The following ABCA8 variants were observed in gnomAD, a reference collection of about 807,000 sequenced individuals.
ABCA8 encodes ABC-type organic anion transporter ABCA8.
A neutral mutation model predicts 192.3 loss-of-function variants in ABCA8; 177 were observed. That is an observed-to-expected ratio of 0.92 (90% confidence interval 0.81 to 1.04). The LOEUF is 1.04. ABCA8 is among the 50% of genes least tolerant of loss of function. The pLI, the probability that ABCA8 is intolerant of heterozygous loss-of-function variation, is 0.00. For missense variants in ABCA8, 1,915 were observed against 1,904.8 expected, an observed-to-expected ratio of 1.01 and a Z score of -0.10; for synonymous variants, 642 against 690.2, an observed-to-expected ratio of 0.93 and a Z score of 1.09.
chr17:68,881,965 C>A lies in ABCA8; in HGVS notation c.3844G>T (p.Ala1282Ser). The A allele has an allele frequency of 5.6e-6, 9 of 1,613,662 alleles. No individual in the cohort carries two copies. Among genetic ancestry groups the A allele is most frequent in the Non-Finnish European group, 7.6e-6 (9 of 1,179,654 alleles). The change falls in exon 31 of 40, where the codon GCC (alanine) becomes TCC (serine). Residue 1282 changes from alanine to serine, a missense_variant. By Grantham distance (99) the Ala-to-Ser change is moderately conservative (BLOSUM62 1). Coordinates refer to ENST00000586539, the MANE Select transcript of ABCA8 (RefSeq NM_001288985.2). ...GCATACTCCTTGCGTAGACAGCTGG[C>A]AATGATGACTGGCTTCTGTAAATGA... Reference protein sequence around the residue: ...TNFDEKPVIIASCLRKEYAGK... With the variant: ...TNFDEKPVIISSCLRKEYAGK...
At chr17:68,910,211 G>A (rs1455952750) in intron 17 of ABCA8, among the ~76,000 whole-genome samples, 1 of 152,114 alleles carries the variant, frequency 6.6e-6, no homozygotes, top group African/African-American at 2.4e-5. Context: ...CATCATATAA[G>A]GAAAGAAGCA....
intron 2 of ABCA8, among the ~76,000 whole-genome samples, chr17:68,945,654 T>C (rs914452027): frequency 6.6e-6 from 1 of 152,188 alleles, no homozygotes; most frequent in African/African-American, 2.4e-5. Context: ...GAGAGTGACC[T>C]AAGTCGTTGG....
intron 24 of ABCA8, among the ~76,000 whole-genome samples, chr17:68,887,923 T>TGG (rs372944173): frequency 0.14 from 2,220 of 15,580 alleles, 68 homozygotes; most frequent in East Asian, 0.39. Context: ...TATATATATA[T>TGG]ATTATATATG....
chr17:68,944,316 T>TTA (rs1177610587), intron 2 of ABCA8, among the ~76,000 whole-genome samples: 1,488 of 28,484 alleles, frequency 0.052, 64 homozygotes, highest in Non-Finnish European at 0.071. Flanking sequence ...GAACTTAAAG[T>TTA]TATATATATA....
chr17:68,890,315 A>C (rs993355525), intron 24 of ABCA8, among the ~76,000 whole-genome samples: 3 of 152,252 alleles, frequency 2.0e-5, no homozygotes, highest in African/African-American at 7.2e-5. Context: ...CCATCTTTTC[A>C]TGGGAGTATT....
In ABCA8 at chr17:68,902,493, G is replaced by A. The variant is rs116385583; in HGVS notation, c.2764+220C>T. On this transcript the variant is annotated intron_variant, in intron 21 of 39. Transcript: ENST00000586539. ...TTAAAAATGCTATTTTGGTACAAAC[G>A]CTTTCATTTAGCAAGATGCCACCAG... is the stretch of plus-strand genomic sequence containing the variant. Among the ~76,000 whole-genome samples, 1,129 of 152,268 alleles carry A rather than the reference G, an allele frequency of 7.4e-3. 14 individuals are homozygous for A. Among genetic ancestry groups the A allele is most frequent in the African/African-American group, 0.026 (1,072 of 41,572 alleles).
chr17:68,945,110 G>C (rs1461171497), intron 2 of ABCA8, among the ~76,000 whole-genome samples: 1 of 152,122 alleles, frequency 6.6e-6, no homozygotes, highest in Admixed American at 6.5e-5. Flanking sequence ...CTCCTTTACT[G>C]CTTGGGTGCA....
intron 2 of ABCA8, among the ~76,000 whole-genome samples, chr17:68,943,169 A>G (rs1381880137): frequency 2.6e-5 from 4 of 152,178 alleles, no homozygotes; most frequent in Non-Finnish European, 5.9e-5. Context: ...TAAAATCTTA[A>G]TATAGGATAA....
intron 32 of ABCA8, 121 bp downstream of exon 32, chr17:68,880,999 G>A: frequency 2.8e-6 from 2 of 721,680 alleles, no homozygotes; most frequent in Non-Finnish European, 2.5e-6. Context: ...TATTCTCTTG[G>A]GTAGTTCATT....
Position 68,918,095 on chromosome 17 carries a change from C to G in ABCA8, c.1999G>C (p.Val667Leu). Reference protein sequence around the residue: ...NLLKERKTDRVILFSTQFMDE... With the variant: ...NLLKERKTDRLILFSTQFMDE... ...ATGAACTGGGTACTGAAGAGGATCA[C>G]GCGGTCTGTTTTGCGTTCTTTCAGA... The change falls in exon 16 of 40, where the codon GTG becomes CTG. Residue 667 changes from valine to leucine, a missense_variant. Coordinates refer to ENST00000586539, the MANE Select transcript of ABCA8 (RefSeq NM_001288985.2). 6.2e-7 allele frequency: 1 copy of G among 1,614,150 alleles called. No individual in the cohort carries two copies.
intron 32 of ABCA8, chr17:68,880,098 T>C (rs1474338196): frequency 6.6e-6 from 1 of 152,164 alleles, no homozygotes; most frequent in African/African-American, 2.4e-5. Flanking sequence ...GAACTTATGA[T>C]GCTTTTTCCA....
At chr17:68,912,815 TC>T (rs2067256218) in intron 17 of ABCA8, among the ~76,000 whole-genome samples, 1 of 152,060 alleles carries the variant, frequency 6.6e-6, no homozygotes, top group Admixed American at 6.6e-5. Context: ...GCTGGAGACT[TC>T]AACACACTAC....
At chr17:68,904,804 A>G (rs2067021617) in intron 19 of ABCA8, among the ~76,000 whole-genome samples, 1 of 152,186 alleles carries the variant, frequency 6.6e-6, no homozygotes, top group Admixed American at 6.5e-5. Flanking sequence ...GCAAGACATC[A>G]TCAGGGTTCA....
At chr17:68,885,723 T>C (rs1598198958) in intron 26 of ABCA8, among the ~76,000 whole-genome samples, 1 of 152,214 alleles carries the variant, frequency 6.6e-6, no homozygotes, top group East Asian at 1.9e-4. Flanking sequence ...AATATTTTTG[T>C]ATTTTTAGTA....
At chr17:68,946,923 A>C (rs2068426006) in intron 2 of ABCA8, among the ~76,000 whole-genome samples, 4 of 151,224 alleles carry the variant, frequency 2.6e-5, no homozygotes, top group Admixed American at 2.6e-4. Flanking sequence ...CCTGGGCGAC[A>C]GAGTGAGACT....
chr17:68,926,815 G>C (rs2067714215), intron 10 of ABCA8, among the ~76,000 whole-genome samples: 1 of 152,172 alleles, frequency 6.6e-6, no homozygotes, highest in South Asian at 2.1e-4. Context: ...AGATGTGGCT[G>C]TCTTCCTGCT....
chr17:68,878,373 GGAT>G (rs1478970897), intron 32 of ABCA8: 1 of 152,266 alleles, frequency 6.6e-6, no homozygotes, highest in Non-Finnish European at 1.5e-5. Flanking sequence ...CCCTGTGTGG[GGAT>G]GAAGCTTGAT....
chr17:68,904,973 G>A (rs2067026198), intron 19 of ABCA8, among the ~76,000 whole-genome samples: 1 of 152,230 alleles, frequency 6.6e-6, no homozygotes. Flanking sequence ...CAGGGCTATA[G>A]AGAAATATAT....
At chr17:68,888,476 G>T (rs536248743) in intron 24 of ABCA8, among the ~76,000 whole-genome samples, 1 of 152,082 alleles carries the variant, frequency 6.6e-6, no homozygotes, top group Non-Finnish European at 1.5e-5. Flanking sequence ...TCATATCAGA[G>T]CCTCACAACA....
Sources: allele counts gnomAD v4.1 joint callset (sites outside exome capture counted in the v4.1 genomes callset), GRCh38; gene constraint gnomAD v4.1.1; transcripts MANE v1.5; gene names NCBI Gene and HGNC (gene_info 2026-07-23, HGNC 2026-07-21).